Variants in FOCAD observed in about 807,000 individuals in gnomAD.
FOCAD encodes the protein KIAA1797.
A neutral mutation model predicts 225.6 loss-of-function variants in FOCAD; 198 were observed. The observed-to-expected ratio is 0.88, with a 90% CI of 0.78 to 0.99. FOCAD has a LOEUF of 0.99. Ranked by LOEUF, FOCAD falls within the 50% of genes least tolerant of loss-of-function variation. FOCAD has a pLI of 0.00. For missense variants in FOCAD, 2,713 were observed against 2,123.6 expected (o/e 1.28, Z -5.46); for synonymous variants, 897 against 755.0 (o/e 1.19, Z -3.08).
intron 29 of FOCAD, among the ~76,000 whole-genome samples, chr9:20,945,239 T>C (rs186837082): frequency 2.2e-3 from 333 of 151,360 alleles, no homozygotes; most frequent in Non-Finnish European, 3.4e-3. Context: ...AGTTTTTTTC[T>C]GTTGTGGTGC....
chr9:20,749,034 C>T (rs1291630758), intron 5 of FOCAD, among the ~76,000 whole-genome samples: 1 of 151,932 alleles, frequency 6.6e-6, no homozygotes, highest in Admixed American at 6.6e-5. Flanking sequence ...TTTTTTCCCC[C>T]AGTGATCATA....
At chr9:20,817,633 A>G (rs1381623908) in intron 11 of FOCAD, among the ~76,000 whole-genome samples, 1 of 148,344 alleles carries the variant, frequency 6.7e-6, no homozygotes, top group Non-Finnish European at 1.5e-5. Context: ...TATAAATGAG[A>G]TCATATAACA....
In FOCAD at chr9:20,882,025, C is replaced by G. The variant is rs745894042; in HGVS notation, c.2472C>G (p.Asn824Lys). 31 of 1,613,636 alleles carry G rather than the reference C, an allele frequency of 1.9e-5. 1 individual carries two copies. The highest frequency in any genetic ancestry group is 3.3e-4 in the Middle Eastern group (2 of 6,078). Residue 824 changes from asparagine (N) to lysine (K), a missense_variant, in exon 20 of 44, where the codon AAC (asparagine) becomes AAG (lysine). Asn to Lys is a moderately conservative substitution (Grantham distance 94). Transcript: ENST00000338382. ...TTATATTGAAAATGTATGAAACAAACAAGCAACCAGGACTGAAACCTGGCC... is the reference window on the plus strand; with the variant it reads ...TTATATTGAAAATGTATGAAACAAAGAAGCAACCAGGACTGAAACCTGGCC... ...PNFILKMYET[N>K]KQPGLKPGLA...
At chr9:20,886,218 T>C (rs1021765366) in intron 21 of FOCAD, among the ~76,000 whole-genome samples, 1 of 3,618 alleles carries the variant, frequency 2.8e-4, no homozygotes, top group Non-Finnish European at 5.0e-4. Context: ...TTCAGAAGCT[T>C]TTTTTTTGCC....
At chr9:20,926,123 A>G (rs963104729) in intron 25 of FOCAD, among the ~76,000 whole-genome samples, 178 bp from the exon 26 acceptor site, 4 of 149,252 alleles carry the variant, frequency 2.7e-5, no homozygotes, top group Non-Finnish European at 6.0e-5. Flanking sequence ...GTGAGGATGT[A>G]TATTTGTCAA....
chr9:20,925,888 G>C (rs896571882), intron 25 of FOCAD, among the ~76,000 whole-genome samples: 3 of 152,184 alleles, frequency 2.0e-5, no homozygotes, highest in Non-Finnish European at 2.9e-5. Flanking sequence ...TCTGAATTCT[G>C]TGGGCTGCTT....
intron 16 of FOCAD, 150 bp downstream of exon 16, chr9:20,862,862 A>T (rs948026560): frequency 1.5e-6 from 1 of 648,290 alleles, no homozygotes; most frequent in East Asian, 3.1e-5. Context: ...TAGGAGTAAG[A>T]TAGCTCCTCA....
intron 30 of FOCAD, among the ~76,000 whole-genome samples, chr9:20,947,781 G>C (rs1266943764): frequency 6.6e-6 from 1 of 152,078 alleles, no homozygotes; most frequent in African/African-American, 2.4e-5. Context: ...GGTTATTGCA[G>C]AATTCATTGG....
intron 19 of FOCAD, among the ~76,000 whole-genome samples, chr9:20,880,638 C>T (rs1830591124): frequency 6.6e-6 from 1 of 152,114 alleles, no homozygotes; most frequent in Non-Finnish European, 1.5e-5. Flanking sequence ...AATGGAGAAT[C>T]TTGATTGCAT....
chr9:20,704,890 C>G (rs13297976), intron 1 of FOCAD, among the ~76,000 whole-genome samples: 37,487 of 152,058 alleles, frequency 0.25, 5,378 homozygotes, highest in South Asian at 0.37. Flanking sequence ...AACACATATT[C>G]TCATAGAACA....
chr9:20,660,385 G>A (rs543051727), intron 2 of FOCAD, among the ~76,000 whole-genome samples: 12 of 152,308 alleles, frequency 7.9e-5, no homozygotes, highest in Middle Eastern at 3.4e-3. Context: ...CAGCCAGGAA[G>A]TGTAGAGTCA....
At chr9:20,964,830 A>G (rs1430427532) in intron 35 of FOCAD, among the ~76,000 whole-genome samples, 2 of 152,150 alleles carry the variant, frequency 1.3e-5, no homozygotes, top group African/African-American at 2.4e-5. Flanking sequence ...CAGAGCATCA[A>G]CATTTCAACA....
chr9:20,764,313 G>A (rs1829869106), intron 6 of FOCAD, among the ~76,000 whole-genome samples: 1 of 152,134 alleles, frequency 6.6e-6, no homozygotes, highest in African/African-American at 2.4e-5. Flanking sequence ...GAGTGCAGTG[G>A]AGCAATCTTG....
chr9:20,722,035 C>CCT (rs1376056782), intron 4 of FOCAD, among the ~76,000 whole-genome samples: 1 of 121,520 alleles, frequency 8.2e-6, no homozygotes, highest in Non-Finnish European at 1.7e-5. Flanking sequence ...TTTCCTTCTC[C>CCT]CTCTCTCTCT....
intron 4 of FOCAD, among the ~76,000 whole-genome samples, chr9:20,735,186 GT>G (rs1827045025): frequency 6.6e-6 from 1 of 151,888 alleles, no homozygotes. Context: ...TGCTTTTCTT[GT>G]TTTGTGGGCA....
chr9:20,781,416 G>A (rs1344670963), intron 9 of FOCAD, among the ~76,000 whole-genome samples: 1 of 152,314 alleles, frequency 6.6e-6, no homozygotes, highest in East Asian at 1.9e-4. Context: ...AGCTCTGTTT[G>A]CTGAGGGCAA....
rs193059362 is a variant in FOCAD, at chr9:20,867,027, T to C, written c.2190+15T>C. On this transcript the variant is annotated intron_variant, in intron 18 of 43. Transcript: ENST00000338382. Reference sequence around the variant, plus strand: ...TGCCTGAAAAGGTAGGCATATCTGCTTTCTCACTGGTATTTCTTAATTTGC... The same window carrying C: ...TGCCTGAAAAGGTAGGCATATCTGCCTTCTCACTGGTATTTCTTAATTTGC... 249 of 1,515,390 alleles carry C rather than the reference T, an allele frequency of 1.6e-4. No homozygotes were observed. Among genetic ancestry groups the C allele is most frequent in the Admixed American group, 3.6e-4 (19 of 52,156 alleles). The allele number at this position is 1,515,390 out of a possible 1,614,324, so 93.9% of individuals were successfully genotyped here.
chr9:20,666,414 T>C (rs905937502), intron 2 of FOCAD, among the ~76,000 whole-genome samples: 7 of 151,882 alleles, frequency 4.6e-5, no homozygotes, highest in African/African-American at 1.7e-4. Flanking sequence ...TACTAAAAAA[T>C]ACGAAAACAG....
chr9:20,761,714 C>G (rs1241797383), intron 6 of FOCAD, among the ~76,000 whole-genome samples: 1 of 152,140 alleles, frequency 6.6e-6, no homozygotes, highest in East Asian at 1.9e-4. Flanking sequence ...GCCACCGTGC[C>G]TGGCCCAAGC....
Sources: allele counts gnomAD v4.1 joint callset (sites outside exome capture counted in the v4.1 genomes callset), GRCh38; gene constraint gnomAD v4.1.1; transcripts MANE v1.5; gene names NCBI Gene and HGNC (gene_info 2026-07-23, HGNC 2026-07-21).